SLC6A13: variants seen among roughly 807,000 people sequenced by gnomAD.
The protein encoded by SLC6A13 is sodium- and chloride-dependent GABA transporter 2.
In SLC6A13, 69 loss-of-function variants were observed where a neutral mutation model predicts 72.9. The observed-to-expected ratio is 0.95, with a 90% confidence interval of 0.78 to 1.16. The LOEUF (loss-of-function observed/expected upper bound fraction) is 1.16, where lower values mean the gene tolerates loss of function less well. Ranked by LOEUF, SLC6A13 falls within the 50% of genes most tolerant of loss-of-function variation. SLC6A13 has a pLI of 0.00. For missense variants in SLC6A13, 735 were observed against 760.5 expected, an observed-to-expected ratio of 0.97 and a Z score of 0.39; for synonymous variants, 303 against 303.0, an observed-to-expected ratio of 1.00 and a Z score of 0.00.
intron 11 of SLC6A13, 53 bp from the exon 12 acceptor site, chr12:223,287 G>C (rs1008994335): frequency 3.3e-6 from 4 of 1,201,876 alleles, no homozygotes; most frequent in Admixed American, 1.9e-5. Context: ...GAAACAGAAA[G>C]ATTCACTCCT....
chr12:227,452 CA>C, intron 8 of SLC6A13, 112 bp downstream of exon 8: 4 of 1,535,474 alleles, frequency 2.6e-6, no homozygotes, highest in Non-Finnish European at 2.6e-6. Flanking sequence ...GGGGTGTAGA[CA>C]GGGGGGCAGA....
At position 248,626 on chromosome 12, in the gene SLC6A13, C is replaced by T. The variant is rs12826998; in HGVS notation, c.203-4813G>A. 3.6e-3 allele frequency among the ~76,000 whole-genome samples: 547 copies of T among 152,082 alleles called. 5 individuals are homozygous for T. Among genetic ancestry groups the T allele is most frequent in the African/African-American group, 0.013 (520 of 41,482 alleles). Reference sequence around the variant, plus strand: ...CCTAATGACAGAGCTTCAAAATGCACGAAGCAAAAACTGACAGAACTACAA... The same window carrying T: ...CCTAATGACAGAGCTTCAAAATGCATGAAGCAAAAACTGACAGAACTACAA... On this transcript the variant is annotated intron_variant, in intron 2 of 14. Coordinates refer to ENST00000343164, the MANE Select transcript of SLC6A13 (RefSeq NM_016615.5).
At chr12:240,391 G>T (rs2137292895) in intron 4 of SLC6A13, among the ~76,000 whole-genome samples, 1 of 152,280 alleles carries the variant, frequency 6.6e-6, no homozygotes, top group East Asian at 1.9e-4. Context: ...TTTCAGTAGA[G>T]ATGGGGTTTC....
intron 2 of SLC6A13, among the ~76,000 whole-genome samples, chr12:255,421 C>T (rs533305594): frequency 1.6e-4 from 24 of 152,304 alleles, no homozygotes; most frequent in Non-Finnish European, 2.5e-4. Flanking sequence ...ACTGTCCGGG[C>T]GCAGTGGCTC....
chr12:232,711 G>A (rs767802393), intron 7 of SLC6A13, among the ~76,000 whole-genome samples: 7 of 152,186 alleles, frequency 4.6e-5, no homozygotes, highest in Non-Finnish European at 8.8e-5. Flanking sequence ...AATGGGAGAA[G>A]GGAAGGATAA....
Position 221,219 on chromosome 12 carries a change from G to A in SLC6A13, c.1687-149C>T, listed in dbSNP as rs532666832. 365 of 1,329,058 alleles carry A rather than the reference G, an allele frequency of 2.7e-4. 1 individual carries two copies. The highest frequency in any genetic ancestry group is 1.3e-3 in the South Asian group (87 of 66,390). 82.3% of individuals were successfully genotyped at this position (1,329,058 alleles called of 1,614,324 possible). A position where few individuals can be genotyped will look rare whatever the true frequency, so the allele number is the denominator to read the frequency against. ...TCTGGGAGTCCCCCTGTGTCTTCCC[G>A]AGACTTCTCAGCAGCCACTCTATCG... On this transcript the variant is annotated intron_variant, in intron 14 of 14. Transcript: ENST00000343164.
chr12:221,145 C>T lies in SLC6A13; in HGVS notation c.1687-75G>A, dbSNP rs547474024. On this transcript the variant is annotated intron_variant, in intron 14 of 14. Transcript: ENST00000343164. ...TGCCAGCTTCCCTCATCACCAACATCTGCTGCCTCCCCACACACAAACCTG... is the reference window on the plus strand; with the variant it reads ...TGCCAGCTTCCCTCATCACCAACATTTGCTGCCTCCCCACACACAAACCTG... The T allele has an allele frequency of 3.6e-5, 55 of 1,512,150 alleles. 1 individual carries two copies. The South Asian group carries it at 6.5e-4, about 18-fold the overall frequency. 93.7% of individuals were successfully genotyped at this position (1,512,150 alleles called of 1,614,324 possible).
At chr12:251,843 C>T (rs943313375) in intron 2 of SLC6A13, among the ~76,000 whole-genome samples, 7 of 151,796 alleles carry the variant, frequency 4.6e-5, no homozygotes, top group Non-Finnish European at 1.0e-4. Flanking sequence ...TGCCTATAGT[C>T]GCAGCTACTT....
rs1383134228 is a variant in SLC6A13, at chr12:230,212, C to G, written c.832-2544G>C. On this transcript the variant is annotated intron_variant, in intron 7 of 14. Transcript: ENST00000343164. The stretch of plus-strand genomic sequence containing the variant: ...TCTCTGGCTAGGGCAGAAGGCCGAC[C>G]AAGGGAAAAATAAGTGTAAAAAATT... 3.3e-5 allele frequency among the ~76,000 whole-genome samples: 5 copies of G among 151,956 alleles called. No homozygotes were observed. In the East Asian group the frequency reaches 9.7e-4, roughly 29 times the overall value.
At chr12:222,741 T>A in intron 12 of SLC6A13, 109 bp from the exon 13 acceptor site, 1 of 652,422 alleles carries the variant, frequency 1.5e-6, no homozygotes, top group Non-Finnish European at 2.7e-6. Context: ...CATAAAGAGA[T>A]GACATCACAG....
chr12:262,199 C>G (rs1480193638), intron 1 of SLC6A13, among the ~76,000 whole-genome samples: 3 of 152,172 alleles, frequency 2.0e-5, no homozygotes, highest in African/African-American at 7.2e-5. Context: ...CTCCCTTAGC[C>G]TCATTAGAGC....
intron 13 of SLC6A13, 28 bp from the exon 14 acceptor site, chr12:221,574 G>A: frequency 6.8e-7 from 1 of 1,464,404 alleles, no homozygotes; most frequent in Non-Finnish European, 9.2e-7. Context: ...AGAGAAAGGG[G>A]TTGGGGGGCG....
chr12:227,682 G>A lies in SLC6A13; in HGVS notation c.832-14C>T, dbSNP rs1435260766. 11 of 1,580,650 alleles carry A rather than the reference G, an allele frequency of 7.0e-6. No individual in the cohort carries two copies. Among genetic ancestry groups the A allele is most frequent in the Non-Finnish European group, 8.6e-7 (1 of 1,160,424 alleles). On this transcript the variant is annotated splice_polypyrimidine_tract_variant and intron_variant, in intron 7 of 14. Coordinates refer to ENST00000343164, the MANE Select transcript of SLC6A13 (RefSeq NM_016615.5). ...ATCCATCCACACCTACAAAGGGGAA[G>A]GGCAAGAAAGGTGAACTCCCAGGAA...
intron 14 of SLC6A13, 139 bp from the exon 15 acceptor site, chr12:221,209 G>A: frequency 7.5e-7 from 1 of 1,340,984 alleles, no homozygotes; most frequent in Non-Finnish European, 9.9e-7. Flanking sequence ...GAGTCCCCCT[G>A]TGTCTTCCCG....
At position 235,191 on chromosome 12, in the gene SLC6A13, T is replaced by A. The variant is rs779243667; in HGVS notation, c.730A>T (p.Met244Leu). 5.0e-6 allele frequency: 8 copies of A among 1,613,994 alleles called. No homozygotes were observed. Among genetic ancestry groups the A allele is most frequent in the Admixed American group, 1.7e-5 (1 of 60,000 alleles). The change falls in exon 7 of 15, where the codon ATG becomes TTG. Residue 244 changes from methionine to leucine, a missense_variant. Coordinates refer to ENST00000343164, the MANE Select transcript of SLC6A13 (RefSeq NM_016615.5). ...VYFTATFPYL[M>L]LVVLLIRGVT... The stretch of plus-strand genomic sequence containing the variant: ...CCTCGAATTAACAGGACCACCAGCA[T>A]GAGGTAAGGAAATGTGGCCGTGAAG...
chr12:234,035 AAAG>A (rs1366612888), intron 7 of SLC6A13, among the ~76,000 whole-genome samples: 2 of 152,144 alleles, frequency 1.3e-5, no homozygotes, highest in Non-Finnish European at 2.9e-5. Flanking sequence ...AGGTTTCAGT[AAAG>A]AAGCTGGCCA....
intron 3 of SLC6A13, 138 bp downstream of exon 3, chr12:243,541 C>A (rs906290349): frequency 1.4e-5 from 11 of 812,786 alleles, no homozygotes; most frequent in African/African-American, 1.7e-5. Flanking sequence ...CAGTATGCAG[C>A]CCACAAACCA....
chr12:223,281 C>T (rs775368697), intron 11 of SLC6A13, 47 bp from the exon 12 acceptor site: 13 of 1,277,544 alleles, frequency 1.0e-5, no homozygotes, highest in Non-Finnish European at 9.0e-6. Flanking sequence ...CCAGTGGAAA[C>T]AGAAAGATTC....
rs769159934 is a variant in SLC6A13, at chr12:242,766, C to T, written c.338-12G>A. On this transcript the variant is annotated splice_polypyrimidine_tract_variant and intron_variant, in intron 3 of 14. Transcript: ENST00000343164. ...GGCATAGCCAATGCCTGCGGGGAAA[C>T]TGCAGAATTGGGCTAGGAACGGTGG... 1.3e-6 allele frequency: 2 copies of T among 1,570,986 alleles called. No homozygotes were observed. The highest frequency in any genetic ancestry group is 3.8e-5 in the Admixed American group (2 of 53,064).
Sources: gnomAD v4.1 joint callset for allele counts (sites outside exome capture counted in the v4.1 genomes callset) on GRCh38, gnomAD v4.1.1 for gene constraint, MANE v1.5 for transcripts, NCBI Gene and HGNC (gene_info 2026-07-23, HGNC 2026-07-21) for gene names.